Variants in LRRC4C observed in about 807,000 individuals in gnomAD.
LRRC4C encodes the protein leucine rich repeat containing 4C.
In LRRC4C, 5 loss-of-function variants were observed where a neutral mutation model predicts 33.6. That is an observed-to-expected ratio of 0.15 (90% confidence interval 0.08 to 0.31). The LOEUF is 0.31. Among genes scored for constraint, LRRC4C ranks in the 10% least tolerant of loss-of-function variants. The pLI is 1.00. For missense variants in LRRC4C, 560 were observed against 796.7 expected (o/e 0.70, Z 3.58); for synonymous variants, 329 against 302.0 (o/e 1.09, Z -0.93).
At chr11:40,162,254 C>A (rs867281027) in intron 5 of LRRC4C, among the ~76,000 whole-genome samples, 5 of 152,178 alleles carry the variant, frequency 3.3e-5, no homozygotes, top group Admixed American at 6.5e-5. Flanking sequence ...GTCTGCTTGA[C>A]CTTCATTAGC....
At chr11:40,245,028 GT>G (rs1470730465) in intron 4 of LRRC4C, among the ~76,000 whole-genome samples, 1 of 152,132 alleles carries the variant, frequency 6.6e-6, no homozygotes, top group Non-Finnish European at 1.5e-5. Flanking sequence ...CAGTTGAGCA[GT>G]TCATTTTTCA....
chr11:40,415,294 T>C (rs1438808409), intron 3 of LRRC4C, among the ~76,000 whole-genome samples: 4 of 152,190 alleles, frequency 2.6e-5, no homozygotes, highest in African/African-American at 4.8e-5. Flanking sequence ...GAAGAGCCAA[T>C]GGCTTGGTTT....
intron 3 of LRRC4C, among the ~76,000 whole-genome samples, chr11:40,343,483 G>C (rs1054104241): frequency 6.6e-6 from 1 of 151,730 alleles, no homozygotes; most frequent in Non-Finnish European, 1.5e-5. Flanking sequence ...GTACCTGATG[G>C]GTATTTTATT....
chr11:40,364,129 G>GA (rs1193221557), intron 3 of LRRC4C, among the ~76,000 whole-genome samples: 2 of 151,490 alleles, frequency 1.3e-5, no homozygotes, highest in Admixed American at 1.3e-4. Context: ...ATAAACAACA[G>GA]AAAAAAATAC....
At chr11:40,651,280 C>G (rs1001696912) in intron 2 of LRRC4C, among the ~76,000 whole-genome samples, 1 of 151,896 alleles carries the variant, frequency 6.6e-6, no homozygotes, top group South Asian at 2.1e-4. Flanking sequence ...TGTCTTAACA[C>G]GTTCATCAAT....
intron 4 of LRRC4C, among the ~76,000 whole-genome samples, chr11:40,317,382 A>C (rs1342943088): frequency 6.6e-6 from 1 of 152,024 alleles, no homozygotes; most frequent in East Asian, 1.9e-4. Flanking sequence ...ATAATGGGTT[A>C]TACTTTCCAC....
At chr11:40,700,196 C>T (rs546799411) in intron 2 of LRRC4C, among the ~76,000 whole-genome samples, 1 of 152,100 alleles carries the variant, frequency 6.6e-6, no homozygotes, top group Admixed American at 6.6e-5. Flanking sequence ...CAAGGAATCC[C>T]TCGAGCCATC....
chr11:40,174,174 T>G (rs1249289118), intron 5 of LRRC4C, among the ~76,000 whole-genome samples: 1 of 152,194 alleles, frequency 6.6e-6, no homozygotes, highest in Non-Finnish European at 1.5e-5. Flanking sequence ...CTAGATAATA[T>G]CGTATTTATT....
intron 2 of LRRC4C, among the ~76,000 whole-genome samples, chr11:40,827,713 T>A (rs1427026354): frequency 6.6e-6 from 1 of 151,706 alleles, no homozygotes. Flanking sequence ...ATGAAATGAG[T>A]ATGTTTGCGT....
At chr11:41,162,068 G>T (rs1360986745) in intron 1 of LRRC4C, among the ~76,000 whole-genome samples, 1 of 152,100 alleles carries the variant, frequency 6.6e-6, no homozygotes, top group African/African-American at 2.4e-5. Flanking sequence ...CACCTCATGA[G>T]GTAAGAGATT....
intron 1 of LRRC4C, among the ~76,000 whole-genome samples, chr11:41,037,235 T>C (rs931598967): frequency 1.3e-5 from 2 of 152,084 alleles, no homozygotes; most frequent in Non-Finnish European, 2.9e-5. Flanking sequence ...TGATTCATGG[T>C]TGTCACTTGA....
chr11:40,965,396 G>T (rs868072189), intron 1 of LRRC4C, among the ~76,000 whole-genome samples: 33 of 152,112 alleles, frequency 2.2e-4, no homozygotes, highest in African/African-American at 7.7e-4. Flanking sequence ...GTCAATTTTG[G>T]CTTTTGTTGC....
chr11:41,026,439 C>T (rs1856366306), intron 1 of LRRC4C, among the ~76,000 whole-genome samples: 1 of 151,564 alleles, frequency 6.6e-6, no homozygotes, highest in Admixed American at 6.6e-5. Context: ...TGAGAAGTTG[C>T]TTCTTACGTA....
At chr11:41,140,226 A>G (rs1380281112) in intron 1 of LRRC4C, among the ~76,000 whole-genome samples, 1 of 152,172 alleles carries the variant, frequency 6.6e-6, no homozygotes, top group Non-Finnish European at 1.5e-5. Flanking sequence ...CCTGGAAAAC[A>G]ATGAAGGTTA....
At chr11:41,040,022 C>G (rs186432497) in intron 1 of LRRC4C, among the ~76,000 whole-genome samples, 1 of 151,220 alleles carries the variant, frequency 6.6e-6, no homozygotes, top group African/African-American at 2.4e-5. Flanking sequence ...CCTGTAGTCA[C>G]AGCTACTCGG....
At chr11:40,324,158 C>A (rs530309803) in intron 3 of LRRC4C, among the ~76,000 whole-genome samples, 1 of 152,270 alleles carries the variant, frequency 6.6e-6, no homozygotes, top group African/African-American at 2.4e-5. Flanking sequence ...ATTAGGCACA[C>A]AAATTAATGA....
intron 1 of LRRC4C, among the ~76,000 whole-genome samples, chr11:41,252,320 T>C (rs1828567848): frequency 6.6e-6 from 1 of 152,166 alleles, no homozygotes; most frequent in South Asian, 2.1e-4. Flanking sequence ...GTACCCTATC[T>C]TTCTTGGTTA....
At chr11:41,259,592 T>TA (rs1948911599) in intron 1 of LRRC4C, among the ~76,000 whole-genome samples, 1 of 152,146 alleles carries the variant, frequency 6.6e-6, no homozygotes, top group South Asian at 2.1e-4. Context: ...AAATGCAGTT[T>TA]AGACTTTTAA....
At chr11:40,876,444 G>T (rs1954897399) in intron 2 of LRRC4C, among the ~76,000 whole-genome samples, 1 of 151,776 alleles carries the variant, frequency 6.6e-6, no homozygotes, top group African/African-American at 2.4e-5. Flanking sequence ...GTTCCAGTTT[G>T]GCTTCGAATG....
Sources: gnomAD v4.1 joint callset for allele counts (sites outside exome capture counted in the v4.1 genomes callset) on GRCh38, gnomAD v4.1.1 for gene constraint, MANE v1.5 for transcripts, NCBI Gene and HGNC (gene_info 2026-07-23, HGNC 2026-07-21) for gene names.